FITM2: variants seen among roughly 807,000 people sequenced by gnomAD.
FITM2 encodes fat storage inducing transmembrane protein 2, also known as acyl-coenzyme A diphosphatase FITM2.
FITM2 carries 16 observed loss-of-function variants against 23.3 expected under a neutral mutation model. That is an observed-to-expected ratio of 0.69 (90% confidence interval 0.47 to 1.05). FITM2 has a LOEUF of 1.05. Among genes scored for constraint, FITM2 ranks in the 50% least tolerant of loss-of-function variants. The pLI is 0.00. For synonymous variants in FITM2, 132 were observed against 142.0 expected (o/e 0.93, Z 0.50); for missense variants, 273 against 327.5 (o/e 0.83, Z 1.29).
chr20:44,308,068 T>C (rs1448675859), intron 1 of FITM2, among the ~76,000 whole-genome samples: 2 of 151,802 alleles, frequency 1.3e-5, no homozygotes, highest in East Asian at 2.0e-4. Flanking sequence ...GCCTGGGCGA[T>C]AGAGCGAGAC....
Position 44,306,479 on chromosome 20 carries a change from TC to T in FITM2, c.*145del. On this transcript the variant is annotated 3_prime_UTR_variant, in exon 2 of 2. Coordinates refer to ENST00000396825, the MANE Select transcript of FITM2 (RefSeq NM_001080472.4). Reference sequence around the variant, plus strand: ...AGAATAGTCTGAAGACTAAACTCACTCCCCAGACTTCAGCACCACCCACCAA... The same window carrying T: ...AGAATAGTCTGAAGACTAAACTCACTCCCAGACTTCAGCACCACCCACCAA... 9.4e-7 allele frequency: 1 copy of T among 1,060,904 alleles called. No homozygotes were observed. 65.7% of individuals were successfully genotyped at this position (1,060,904 alleles called of 1,614,324 possible).
At chr20:44,309,578 A>C (rs2062699680) in intron 1 of FITM2, among the ~76,000 whole-genome samples, 1 of 151,850 alleles carries the variant, frequency 6.6e-6, no homozygotes, top group African/African-American at 2.4e-5. Context: ...TCAAATCTTC[A>C]CTCTTACTTA....
At chr20:44,307,835 C>A (rs2062694930) in intron 1 of FITM2, among the ~76,000 whole-genome samples, 1 of 151,702 alleles carries the variant, frequency 6.6e-6, no homozygotes, top group Middle Eastern at 3.4e-3. Context: ...CGCCTGTAAT[C>A]CCAGCAGTTT....
rs1387733497 is a variant in FITM2 at position 44,311,006 on chromosome 20, T to C, written c.143A>G (p.Tyr48Cys). 1 of 1,565,290 alleles carries C rather than the reference T, an allele frequency of 6.4e-7. No homozygotes were observed. The highest frequency in any genetic ancestry group is 8.7e-7 in the Non-Finnish European group (1 of 1,156,046). The change falls in exon 1 of 2, where the codon TAC becomes TGC. Residue 48 changes from tyrosine to cysteine, a missense_variant. Physicochemically the swap from Tyr to Cys is radical, Grantham distance 194 (BLOSUM62 -2). Coordinates refer to ENST00000396825, the MANE Select transcript of FITM2 (RefSeq NM_001080472.4). ...GAGGACGTTGCGCTTGTTGCTGAGG[T>C]AGCTCTCGGGCAACGGGGACAACTC... ...LKELSPLPES[Y>C]LSNKRNVLNV...
intron 1 of FITM2, 127 bp downstream of exon 1, chr20:44,310,849 G>C: frequency 1.5e-6 from 2 of 1,311,032 alleles, no homozygotes; most frequent in Non-Finnish European, 2.1e-6. Context: ...AGATGCTGCT[G>C]TCACGGCTAG....
chr20:44,311,158 C>T lies in FITM2; in HGVS notation c.-10G>A, dbSNP rs371149406. ...GCTCCAGATGCTCCATGCCGGATCT[C>T]GTCAGCCACCGTCCTCCTCTCCGTG... is the stretch of plus-strand genomic sequence containing the variant. On this transcript the variant is annotated 5_prime_UTR_variant, in exon 1 of 2. Coordinates refer to ENST00000396825, the MANE Select transcript of FITM2 (RefSeq NM_001080472.4). The T allele has an allele frequency of 4.5e-5, 72 of 1,607,740 alleles. No homozygotes were observed. The highest frequency in any genetic ancestry group is 1.6e-4 in the African/African-American group (12 of 74,784).
rs764361552 is a variant in FITM2 at position 44,307,182 on chromosome 20, G to A, written c.232C>T (p.Leu78Phe). Residue 78 changes from leucine (L) to phenylalanine (F), a missense_variant, in exon 2 of 2, where the codon CTC becomes TTC. Leu to Phe is a conservative substitution (Grantham distance 22, BLOSUM62 0). Coordinates refer to ENST00000396825, the MANE Select transcript of FITM2 (RefSeq NM_001080472.4). The stretch of plus-strand genomic sequence containing the variant: ...TTGCCGGTCAGATGGTAGTTGGTGA[G>A]GGCAATGAAAGGCAGAAGGAGACAG... ...TFCLLLPFIA[L>F]TNYHLTGKAG... 2.1e-5 allele frequency: 34 copies of A among 1,614,058 alleles called. No individual in the cohort carries two copies. Among genetic ancestry groups the A allele is most frequent in the Non-Finnish European group, 2.9e-5 (34 of 1,180,036 alleles).
At position 44,306,680 on chromosome 20, in the gene FITM2, C is replaced by T; in HGVS notation, c.734G>A (p.Gly245Glu). The T allele has an allele frequency of 6.2e-7, 1 of 1,614,142 alleles. No individual in the cohort carries two copies. The highest frequency in any genetic ancestry group is 8.5e-7 in the Non-Finnish European group (1 of 1,180,040). ...CAAACTACAGCTCTGGGGAGGAAGT[C>T]CTGGGGAAAAGGCTTTCGGATACCA... The part of the protein sequence containing the change: ...GFWYPKAFSP[G>E]LPPQSCSLNL... Residue 245 changes from glycine to glutamate, a missense_variant, in exon 2 of 2, where the codon GGA becomes GAA. This residue lies in a region of FITM2 where 33 missense variants were observed against 26.3 expected (regional missense o/e 1.25). Coordinates refer to ENST00000396825, the MANE Select transcript of FITM2 (RefSeq NM_001080472.4).
At position 44,306,294 on chromosome 20, in the gene FITM2, T is replaced by C. The variant is rs1254040873; in HGVS notation, c.*331A>G. 3.2e-6 allele frequency: 1 copy of C among 310,858 alleles called. No homozygotes were observed. Among genetic ancestry groups the C allele is most frequent in the Non-Finnish European group, 6.2e-6 (1 of 161,750 alleles). The allele number at this position is 310,858 out of a possible 1,614,324, so 19.3% of individuals were successfully genotyped here. A position where few individuals can be genotyped will look rare whatever the true frequency, so the allele number is the denominator to read the frequency against. On this transcript the variant is annotated 3_prime_UTR_variant, in exon 2 of 2. Transcript: ENST00000396825. ...AGTCCCAAGGCTCTGGCCACTCCTT[T>C]AGCCACACCATAAAGGCTTTCCTGA... is the stretch of plus-strand genomic sequence containing the variant.
rs1402385289 is a variant in FITM2, at chr20:44,303,316, G to A, written c.*3309C>T. 6.6e-6 allele frequency: 1 copy of A among 152,092 alleles called. No individual in the cohort carries two copies. Among genetic ancestry groups the A allele is most frequent in the Non-Finnish European group, 1.5e-5 (1 of 68,044 alleles). 9.4% of individuals were successfully genotyped at this position (152,092 alleles called of 1,614,324 possible). On this transcript the variant is annotated 3_prime_UTR_variant, in exon 2 of 2. Coordinates refer to ENST00000396825, the MANE Select transcript of FITM2 (RefSeq NM_001080472.4). ...CCATGATCACACAGCTATCAGGAGT[G>A]GTGCCAAGATATGAACCCACATCTC...
At position 44,306,692 on chromosome 20, in the gene FITM2, G is replaced by A. The variant is rs1004381194; in HGVS notation, c.722C>T (p.Ala241Val). The A allele has an allele frequency of 1.9e-6, 3 of 1,614,120 alleles. No homozygotes were observed. Among genetic ancestry groups the A allele is most frequent in the Non-Finnish European group, 2.5e-6 (3 of 1,180,036 alleles). Reference sequence around the variant, plus strand: ...CTGGGGAGGAAGTCCTGGGGAAAAGGCTTTCGGATACCAAAACCCGTATGT... The same window carrying A: ...CTGGGGAGGAAGTCCTGGGGAAAAGACTTTCGGATACCAAAACCCGTATGT... ...YGTYGFWYPK[A>V]FSPGLPPQSC... Residue 241 changes from alanine (A) to valine (V), a missense_variant, in exon 2 of 2, where the codon GCC becomes GTC. By Grantham distance (64) the Ala-to-Val change is moderately conservative. Around this residue, in one of 3 missense-constraint regions of FITM2, gnomAD observed 33 missense variants for 26.3 expected, o/e 1.25. Transcript: ENST00000396825.
chr20:44,306,595 T>C lies in FITM2; in HGVS notation c.*30A>G. On this transcript the variant is annotated 3_prime_UTR_variant, in exon 2 of 2. Coordinates refer to ENST00000396825, the MANE Select transcript of FITM2 (RefSeq NM_001080472.4). ...ATATATTTGAAAAATAGATTAGCCA[T>C]TGTCCTTCTGTCCCCCCTCTGTTAC... 6.2e-7 allele frequency: 1 copy of C among 1,600,942 alleles called. No individual in the cohort carries two copies. Among genetic ancestry groups the C allele is most frequent in the Non-Finnish European group, 8.5e-7 (1 of 1,172,746 alleles).
intron 1 of FITM2, 65 bp from the exon 2 acceptor site, chr20:44,307,305 T>G: frequency 6.3e-7 from 1 of 1,575,952 alleles, no homozygotes; most frequent in African/African-American, 1.3e-5. Flanking sequence ...ATGTCAGGAC[T>G]CAGGTCTCTA....
intron 1 of FITM2, 74 bp from the exon 2 acceptor site, chr20:44,307,314 T>G: frequency 2.1e-5 from 33 of 1,550,992 alleles, no homozygotes; most frequent in Non-Finnish European, 2.5e-5. Context: ...CTCAGGTCTC[T>G]ACACTGTCAG....
intron 1 of FITM2, among the ~76,000 whole-genome samples, chr20:44,308,477 C>T (rs1158433970): frequency 6.6e-6 from 1 of 152,132 alleles, no homozygotes; most frequent in Non-Finnish European, 1.5e-5. Flanking sequence ...GATTAAACCA[C>T]GGTTTGGATA....
Position 44,306,940 on chromosome 20 carries a change from C to G in FITM2, c.474G>C (p.Leu158=). ...CAATCATGAGGGCGCAGAAGGTCAG[C>G]AGGAAGGAGTGACCTGAGATGTCAA... is the stretch of plus-strand genomic sequence containing the variant. ...HGFDISGHSF[L]LTFCALMIVE... Residue 158 remains leucine (L), a synonymous_variant, in exon 2 of 2, where the codon CTG becomes CTC. Transcript: ENST00000396825. 1.9e-6 allele frequency: 3 copies of G among 1,614,224 alleles called. No individual in the cohort carries two copies. The highest frequency in any genetic ancestry group is 2.5e-6 in the Non-Finnish European group (3 of 1,180,046).
Position 44,303,132 on chromosome 20 carries a change from T to C in FITM2, c.*3493A>G, listed in dbSNP as rs2062681288. ...GACTCCAAATGGCACCCAAAATATA[T>C]TCGTTTCTCTGCCTTCTCTAGAGGA... On this transcript the variant is annotated 3_prime_UTR_variant, in exon 2 of 2. Coordinates refer to ENST00000396825, the MANE Select transcript of FITM2 (RefSeq NM_001080472.4). 6.6e-6 allele frequency: 1 copy of C among 152,146 alleles called. No individual in the cohort carries two copies. Among genetic ancestry groups the C allele is most frequent in the South Asian group, 2.1e-4 (1 of 4,832 alleles). The allele number at this position is 152,146 out of a possible 1,614,324, so 9.4% of individuals were successfully genotyped here.
intron 1 of FITM2, 124 bp downstream of exon 1, chr20:44,310,852 A>G: frequency 9.8e-6 from 13 of 1,326,152 alleles, no homozygotes; most frequent in Non-Finnish European, 1.3e-5. Flanking sequence ...TGCTGCTGTC[A>G]CGGCTAGGAG....
At position 44,302,935 on chromosome 20, in the gene FITM2, C is replaced by A. The variant is rs923526773; in HGVS notation, c.*3690G>T. ...GCAAGAGCCATTCTCTAAATACAAT[C>A]TGGTACCCAGACTATGACAGATGCA... On this transcript the variant is annotated 3_prime_UTR_variant, in exon 2 of 2. Coordinates refer to ENST00000396825, the MANE Select transcript of FITM2 (RefSeq NM_001080472.4). The A allele has an allele frequency of 8.5e-5, 13 of 152,222 alleles. No individual in the cohort carries two copies. The highest frequency in any genetic ancestry group is 3.3e-4 in the Admixed American group (5 of 15,274). The allele number at this position is 152,222 out of a possible 1,614,324, so 9.4% of individuals were successfully genotyped here.
Sources: allele counts gnomAD v4.1 joint callset (sites outside exome capture counted in the v4.1 genomes callset), GRCh38; gene constraint gnomAD v4.1.1; regional missense constraint gnomAD v4.1.1; transcripts MANE v1.5; gene names NCBI Gene and HGNC (gene_info 2026-07-23, HGNC 2026-07-21).